MSI2: variants seen among roughly 807,000 people sequenced by gnomAD.
The protein encoded by MSI2 is musashi RNA binding protein 2.
MSI2 carries 17 observed loss-of-function variants against 45.6 expected under a neutral mutation model. That is an observed-to-expected ratio of 0.37 (90% CI 0.26 to 0.56). MSI2 has a LOEUF of 0.56. Among genes scored for constraint, MSI2 ranks in the 20% least tolerant of loss-of-function variants. The pLI is 0.77. For synonymous variants in MSI2, 156 were observed against 158.2 expected (o/e 0.99, Z 0.11); for missense variants, 293 against 444.2 (o/e 0.66, Z 3.06).
Position 57,575,328 on chromosome 17 carries a change from C to T in MSI2, c.455-21540C>T, listed in dbSNP as rs560960530. On this transcript the variant is annotated intron_variant, in intron 7 of 13. Transcript: ENST00000284073. ...TGCCCTAGATGCTCAAACGTCCTAT[C>T]TTGTCGGTGGAAGTGGCAAAACCAC... Among the ~76,000 whole-genome samples the T allele has an allele frequency of 2.0e-3, 304 of 152,208 alleles. 2 individuals are homozygous for T. The highest frequency in any genetic ancestry group is 2.9e-3 in the Non-Finnish European group (198 of 68,012).
At position 57,418,763 on chromosome 17, in the gene MSI2, T is replaced by C. The variant is rs561913255; in HGVS notation, c.405+17292T>C. 1.1e-3 allele frequency among the ~76,000 whole-genome samples: 166 copies of C among 152,304 alleles called. 1 individual carries two copies. The highest frequency in any genetic ancestry group is 3.9e-3 in the African/African-American group (163 of 41,550). ...GTCCTTGACTCTGCTCACTCACATC[T>C]ATAAGCTGAGAATTTGGTGGTAATC... On this transcript the variant is annotated intron_variant, in intron 6 of 13. Transcript: ENST00000284073.
chr17:57,483,701 G>A (rs1462935679), intron 6 of MSI2, among the ~76,000 whole-genome samples: 1 of 152,230 alleles, frequency 6.6e-6, no homozygotes, highest in African/African-American at 2.4e-5. Context: ...CTGTGTTGCT[G>A]GTTCTGCAAG....
intron 7 of MSI2, among the ~76,000 whole-genome samples, chr17:57,581,091 C>T (rs995159414): frequency 2.1e-5 from 3 of 143,024 alleles, no homozygotes; most frequent in Non-Finnish European, 4.5e-5. Context: ...CTGCTCACTG[C>T]AACCTCCACC....
At chr17:57,641,725 T>C (rs1910278282) in intron 10 of MSI2, among the ~76,000 whole-genome samples, 1 of 152,164 alleles carries the variant, frequency 6.6e-6, no homozygotes, top group Non-Finnish European at 1.5e-5. Context: ...CAAGATAGTT[T>C]GTTGATGCCT....
At chr17:57,548,034 AT>A (rs145995783) in intron 7 of MSI2, among the ~76,000 whole-genome samples, 4,064 of 152,276 alleles carry the variant, frequency 0.027, 80 homozygotes, top group African/African-American at 0.048. Flanking sequence ...GAATCAAAGC[AT>A]CATTGCATCC....
intron 5 of MSI2, among the ~76,000 whole-genome samples, chr17:57,293,543 T>C (rs1029247327): frequency 3.9e-5 from 6 of 152,100 alleles, no homozygotes; most frequent in African/African-American, 1.4e-4. Context: ...AATTTTTTCC[T>C]GGATATATAG....
intron 5 of MSI2, among the ~76,000 whole-genome samples, chr17:57,320,792 A>G (rs1284566260): frequency 6.6e-6 from 1 of 152,110 alleles, no homozygotes; most frequent in African/African-American, 2.4e-5. Flanking sequence ...CAACCAAGCA[A>G]AGGGGTCCTG....
At chr17:57,289,345 G>T (rs550626821) in intron 5 of MSI2, among the ~76,000 whole-genome samples, 3 of 152,302 alleles carry the variant, frequency 2.0e-5, no homozygotes, top group African/African-American at 4.8e-5. Context: ...TGGCAGTCCT[G>T]TGTTTGGGCC....
chr17:57,611,487 G>A (rs1050792252), intron 8 of MSI2, among the ~76,000 whole-genome samples: 1 of 95,792 alleles, frequency 1.0e-5, no homozygotes, highest in Non-Finnish European at 2.5e-5. Flanking sequence ...ACCACATGTG[G>A]TTGTTGGTCT....
intron 7 of MSI2, among the ~76,000 whole-genome samples, chr17:57,569,807 T>A (rs1186902901): frequency 6.6e-6 from 1 of 152,196 alleles, no homozygotes; most frequent in Non-Finnish European, 1.5e-5. Flanking sequence ...GCTCTGGGTA[T>A]GTGGAACCAA....
At chr17:57,554,232 C>T (rs1010607450) in intron 7 of MSI2, among the ~76,000 whole-genome samples, 6 of 58,284 alleles carry the variant, frequency 1.0e-4, no homozygotes, top group South Asian at 1.2e-3. Flanking sequence ...GAGTTTGGGG[C>T]GGGGGAGGGG....
chr17:57,367,184 C>T (rs1045873493), intron 5 of MSI2, among the ~76,000 whole-genome samples: 1 of 152,198 alleles, frequency 6.6e-6, no homozygotes, highest in African/African-American at 2.4e-5. Context: ...TCCTTCTCCT[C>T]CACTATCTGT....
chr17:57,408,544 C>A (rs950236441), intron 6 of MSI2, among the ~76,000 whole-genome samples: 4 of 142,120 alleles, frequency 2.8e-5, no homozygotes, highest in Admixed American at 2.1e-4. Context: ...GGAGAGCCAG[C>A]GGTAGGGGAG....
chr17:57,361,484 G>A (rs552131880), intron 5 of MSI2, among the ~76,000 whole-genome samples: 1 of 151,810 alleles, frequency 6.6e-6, no homozygotes, highest in African/African-American at 2.4e-5. Context: ...GCTCATGCCT[G>A]TAGTCCCAGC....
At chr17:57,542,467 G>A (rs1950719944) in intron 7 of MSI2, among the ~76,000 whole-genome samples, 1 of 152,208 alleles carries the variant, frequency 6.6e-6, no homozygotes, top group Non-Finnish European at 1.5e-5. Flanking sequence ...CATGATGACT[G>A]ATTAATGTCA....
At chr17:57,647,148 G>T (rs1910724290) in intron 10 of MSI2, among the ~76,000 whole-genome samples, 1 of 151,900 alleles carries the variant, frequency 6.6e-6, no homozygotes, top group African/African-American at 2.4e-5. Context: ...AGAAATTCAG[G>T]CCAGGCACGG....
intron 5 of MSI2, among the ~76,000 whole-genome samples, chr17:57,306,889 T>C (rs1034851040): frequency 6.6e-6 from 1 of 152,182 alleles, no homozygotes; most frequent in Non-Finnish European, 1.5e-5. Flanking sequence ...GAAAATGTGG[T>C]GTGAGGATAC....
At chr17:57,531,291 G>T (rs936482962) in intron 7 of MSI2, among the ~76,000 whole-genome samples, 2 of 152,188 alleles carry the variant, frequency 1.3e-5, no homozygotes, top group African/African-American at 4.8e-5. Flanking sequence ...TAGGATGGGG[G>T]TAATCATAGA....
chr17:57,448,575 G>A (rs543489049), intron 6 of MSI2: 2 of 152,270 alleles, frequency 1.3e-5, no homozygotes, highest in African/African-American at 4.8e-5. Context: ...TATGCTGGTT[G>A]CCTGTTGGGT....
Sources: gnomAD v4.1 joint callset for allele counts (sites outside exome capture counted in the v4.1 genomes callset) on GRCh38, gnomAD v4.1.1 for gene constraint, MANE v1.5 for transcripts, NCBI Gene and HGNC (gene_info 2026-07-23, HGNC 2026-07-21) for gene names.